Variants in CCDC148 observed in about 807,000 individuals in gnomAD.
CCDC148 encodes the protein coiled-coil domain containing 148, also known as coiled-coil domain-containing protein 148.
A neutral mutation model predicts 85.7 loss-of-function variants in CCDC148; 89 were observed. That is an observed-to-expected ratio of 1.04 (90% CI 0.87 to 1.24). The LOEUF is 1.24. Among genes scored for constraint, CCDC148 ranks in the 50% most tolerant of loss-of-function variants. The pLI is 0.00. For missense variants in CCDC148, 692 were observed against 671.7 expected (o/e 1.03, Z -0.33); for synonymous variants, 230 against 213.9 (o/e 1.08, Z -0.66).
At chr2:158,347,300 C>T (rs565641921) in intron 2 of CCDC148, among the ~76,000 whole-genome samples, 3 of 152,170 alleles carry the variant, frequency 2.0e-5, no homozygotes, top group East Asian at 3.9e-4. Context: ...ATGCTCTCGC[C>T]TTTGGGCCCA....
At chr2:158,380,591 T>C (rs1337121280) in intron 1 of CCDC148, among the ~76,000 whole-genome samples, 2 of 152,166 alleles carry the variant, frequency 1.3e-5, no homozygotes, top group African/African-American at 4.8e-5. Context: ...CCTAGAAAGT[T>C]TTTTTGTGCA....
At chr2:158,199,397 A>G (rs1252719290) in intron 11 of CCDC148, among the ~76,000 whole-genome samples, 3 of 152,094 alleles carry the variant, frequency 2.0e-5, no homozygotes, top group Non-Finnish European at 4.4e-5. Flanking sequence ...GGCATCCGCC[A>G]CCACCCCTGG....
intron 1 of CCDC148, 90 bp from the exon 2 acceptor site, chr2:158,358,660 A>T (rs951259982): frequency 2.6e-6 from 2 of 759,004 alleles, no homozygotes; most frequent in Non-Finnish European, 3.8e-6. Context: ...TTGACTTCAG[A>T]TCTTATTTTT....
intron 1 of CCDC148, among the ~76,000 whole-genome samples, chr2:158,426,288 C>T (rs2105328331): frequency 6.6e-6 from 1 of 152,100 alleles, no homozygotes; most frequent in Non-Finnish European, 1.5e-5. Context: ...GCCATCACAA[C>T]ACTGAACAAA....
chr2:158,245,717 G>C (rs1688544095), intron 10 of CCDC148, among the ~76,000 whole-genome samples: 1 of 152,154 alleles, frequency 6.6e-6, no homozygotes, highest in African/African-American at 2.4e-5. Context: ...GCCACATCTA[G>C]AGAAAGGGTG....
At position 158,229,559 on chromosome 2, in the gene CCDC148, G is replaced by GT. The variant is rs573580329; in HGVS notation, c.1252-8847dup. 7.2e-5 allele frequency among the ~76,000 whole-genome samples: 11 copies of GT among 152,250 alleles called. No homozygotes were observed. In the East Asian group the frequency reaches 2.1e-3, roughly 29 times the overall value. On this transcript the variant is annotated intron_variant, in intron 10 of 13. Coordinates refer to ENST00000283233, the MANE Select transcript of CCDC148 (RefSeq NM_138803.4). The stretch of plus-strand genomic sequence containing the variant: ...TGATATTCTAAAACCTGTTCACTAT[G>GT]TTCAGCTCCATACCTGCTGCTATTT...
intron 1 of CCDC148, among the ~76,000 whole-genome samples, chr2:158,436,109 A>G (rs149295005): frequency 0.17 from 25,328 of 152,010 alleles, 2,269 homozygotes; most frequent in Middle Eastern, 0.21. Context: ...ATTGAACTCA[A>G]CTCTGCACCA....
In CCDC148 at chr2:158,246,170, C is replaced by T. The variant is rs374795071; in HGVS notation, c.1251+4602G>A. Among the ~76,000 whole-genome samples, 19 of 152,184 alleles carry T rather than the reference C, an allele frequency of 1.2e-4. 1 individual carries two copies. The South Asian group carries it at 3.9e-3, about 32-fold the overall frequency. On this transcript the variant is annotated intron_variant, in intron 10 of 13. Transcript: ENST00000283233. ...AGTTTCTCTGCCTCTACTGCCAGTC[C>T]CTTAGGAAAAGGGAAAGCCAGGTAG...
At chr2:158,283,220 C>T (rs1405184087) in intron 9 of CCDC148, among the ~76,000 whole-genome samples, 2 of 152,168 alleles carry the variant, frequency 1.3e-5, no homozygotes, top group African/African-American at 4.8e-5. Context: ...CAGGCATGGG[C>T]AAGGACTTCA....
chr2:158,364,942 C>A (rs1684131767), intron 1 of CCDC148, among the ~76,000 whole-genome samples: 1 of 152,078 alleles, frequency 6.6e-6, no homozygotes, highest in South Asian at 2.1e-4. Flanking sequence ...CCTGAATCTA[C>A]AAAGAACTTA....
At chr2:158,220,804 C>T (rs1028938791) in intron 10 of CCDC148, 91 bp from the exon 11 acceptor site, 1 of 970,876 alleles carries the variant, frequency 1.0e-6, no homozygotes, top group African/African-American at 1.7e-5. Context: ...GTTCGTATTA[C>T]AAAATTGAAT....
At chr2:158,192,731 C>T (rs572952532) in intron 11 of CCDC148, among the ~76,000 whole-genome samples, 1 of 151,908 alleles carries the variant, frequency 6.6e-6, no homozygotes, top group East Asian at 2.0e-4. Context: ...TAACCATGAC[C>T]CCAAACAGTA....
chr2:158,188,614 G>A (rs1312941814), intron 11 of CCDC148, among the ~76,000 whole-genome samples: 3 of 151,716 alleles, frequency 2.0e-5, no homozygotes, highest in African/African-American at 7.3e-5. Context: ...AAAAGCTTAA[G>A]AATAAGAAAT....
At chr2:158,449,159 T>C (rs12694962) in intron 1 of CCDC148, among the ~76,000 whole-genome samples, 54,712 of 152,082 alleles carry the variant, frequency 0.36, 11,208 homozygotes, top group East Asian at 0.65. Flanking sequence ...TTCAGATTCC[T>C]AGTTCCTAGC....
chr2:158,309,415 A>C lies in CCDC148; in HGVS notation c.1110+18T>G, dbSNP rs747758856. 10 of 1,594,518 alleles carry C rather than the reference A, an allele frequency of 6.3e-6. No individual in the cohort carries two copies. Among genetic ancestry groups the C allele is most frequent in the Non-Finnish European group, 7.7e-6 (9 of 1,165,848 alleles). On this transcript the variant is annotated intron_variant, in intron 9 of 13. Transcript: ENST00000283233. ...TAAATATCCAGACAAATACTGAAAC[A>C]CCTGTGCAGCATCTTACCTTGGCTT... is the stretch of plus-strand genomic sequence containing the variant.
chr2:158,414,898 C>G (rs1470600973), intron 1 of CCDC148, among the ~76,000 whole-genome samples: 3 of 152,078 alleles, frequency 2.0e-5, no homozygotes, highest in Non-Finnish European at 4.4e-5. Context: ...AAACCTAGAG[C>G]CAGTAGTCAG....
intron 1 of CCDC148, among the ~76,000 whole-genome samples, chr2:158,360,461 G>A (rs1167361332): frequency 6.6e-6 from 1 of 152,148 alleles, no homozygotes; most frequent in African/African-American, 2.4e-5. Flanking sequence ...CTGGGACAAA[G>A]CTTCCAGAGG....
intron 9 of CCDC148, among the ~76,000 whole-genome samples, chr2:158,263,869 A>T (rs1012162773): frequency 1.3e-5 from 2 of 151,866 alleles, no homozygotes; most frequent in African/African-American, 4.8e-5. Context: ...GAAGGTGAAA[A>T]ATGTATAGTA....
intron 1 of CCDC148, among the ~76,000 whole-genome samples, chr2:158,416,106 G>A (rs141983630): frequency 2.9e-3 from 445 of 152,342 alleles, no homozygotes; most frequent in Non-Finnish European, 4.8e-3. Context: ...ACACCCTCTG[G>A]AGGAGTGGCC....
Sources: allele counts gnomAD v4.1 joint callset (sites outside exome capture counted in the v4.1 genomes callset), GRCh38; gene constraint gnomAD v4.1.1; transcripts MANE v1.5; gene names NCBI Gene and HGNC (gene_info 2026-07-23, HGNC 2026-07-21).